PI4KB: variants seen among roughly 807,000 people sequenced by gnomAD.
The protein encoded by PI4KB is phosphatidylinositol 4-kinase beta, also known as PtdIns 4-kinase beta.
A neutral mutation model predicts 81.4 loss-of-function variants in PI4KB; 23 were observed. That is an observed-to-expected ratio of 0.28 (90% CI 0.20 to 0.40). PI4KB has a LOEUF of 0.40. PI4KB is among the 10% of genes least tolerant of loss of function. The pLI, the probability that PI4KB is intolerant of heterozygous loss-of-function variation, is 1.00. For missense variants in PI4KB, 651 were observed against 1,036.6 expected, an observed-to-expected ratio of 0.63 and a Z score of 5.11; for synonymous variants, 381 against 406.8, an observed-to-expected ratio of 0.94 and a Z score of 0.76.
chr1:151,304,986 C>A (rs185691248), intron 5 of PI4KB, among the ~76,000 whole-genome samples: 1 of 152,056 alleles, frequency 6.6e-6, no homozygotes, highest in Non-Finnish European at 1.5e-5. Flanking sequence ...CATGCCACCA[C>A]GCCCGGCTAA....
chr1:151,307,950 C>G (rs1001332799), intron 3 of PI4KB, 149 bp from the exon 4 acceptor site: 5 of 628,088 alleles, frequency 8.0e-6, no homozygotes, highest in Non-Finnish European at 1.1e-5. Context: ...TTAGTAGGAG[C>G]TTCCACCCAC....
chr1:151,307,199 G>A (rs2101960481), intron 4 of PI4KB, among the ~76,000 whole-genome samples: 1 of 152,288 alleles, frequency 6.6e-6, no homozygotes. Context: ...ATCAGAAAAG[G>A]TCTTAGAAAC....
chr1:151,299,731 G>T (rs986082802), intron 8 of PI4KB, among the ~76,000 whole-genome samples: 3 of 152,020 alleles, frequency 2.0e-5, no homozygotes, highest in African/African-American at 7.2e-5. Context: ...GTCCAGAGAA[G>T]ACTTCTCTGG....
intron 2 of PI4KB, among the ~76,000 whole-genome samples, chr1:151,313,309 T>C (rs1647396369): frequency 6.6e-6 from 1 of 152,090 alleles, no homozygotes; most frequent in South Asian, 2.1e-4. Context: ...AGGAGTCAGG[T>C]TGGAAGAACG....
chr1:151,292,549 G>C lies in PI4KB; in HGVS notation c.*303C>G, dbSNP rs1694379449. On this transcript the variant is annotated 3_prime_UTR_variant, in exon 12 of 12. Transcript: ENST00000368873. ...CCCTACAAGGAGAAGAAAGGCCCCA[G>C]TGTCCCTCACATTTGTCACCTCTGT... 6.0e-6 allele frequency: 2 copies of C among 335,690 alleles called. No homozygotes were observed. Among genetic ancestry groups the C allele is most frequent in the Non-Finnish European group, 1.1e-5 (2 of 181,118 alleles). The allele number at this position is 335,690 out of a possible 1,614,324, so 20.8% of individuals were successfully genotyped here. A position where few individuals can be genotyped will look rare whatever the true frequency, so the allele number is the denominator to read the frequency against.
Position 151,300,841 on chromosome 1 carries a change from C to T in PI4KB, c.1749+1003G>A, listed in dbSNP as rs149607166. Reference sequence around the variant, plus strand: ...TCCTAGGAGGTCACCATATTGATGCCGAACTTAGCGCGGACACCCAATTGG... The same window carrying T: ...TCCTAGGAGGTCACCATATTGATGCTGAACTTAGCGCGGACACCCAATTGG... On this transcript the variant is annotated intron_variant, in intron 8 of 11. Coordinates refer to ENST00000368873, the MANE Select transcript of PI4KB (RefSeq NM_001369623.2). The T allele has an allele frequency of 4.4e-3, 665 of 152,364 alleles. 6 individuals are homozygous for T. The highest frequency in any genetic ancestry group is 0.014 in the Middle Eastern group (4 of 296). 9.4% of individuals were successfully genotyped at this position (152,364 alleles called of 1,614,324 possible).
intron 2 of PI4KB, among the ~76,000 whole-genome samples, chr1:151,310,982 A>T (rs1281849030): frequency 6.6e-6 from 1 of 152,112 alleles, no homozygotes; most frequent in African/African-American, 2.4e-5. Flanking sequence ...ATATACTACA[A>T]TTTTTGATAT....
intron 9 of PI4KB, among the ~76,000 whole-genome samples, chr1:151,295,605 TAA>T (rs1275777005): frequency 6.6e-6 from 1 of 152,240 alleles, no homozygotes; most frequent in African/African-American, 2.4e-5. Context: ...TTGAAGCAGT[TAA>T]AGAGATCCTA....
intron 5 of PI4KB, 148 bp from the exon 6 acceptor site, chr1:151,303,798 C>A: frequency 1.6e-6 from 1 of 630,260 alleles, no homozygotes; most frequent in Non-Finnish European, 2.9e-6. Flanking sequence ...CCCCAGGCTG[C>A]CCAGAGCAGC....
intron 1 of PI4KB, 44 bp downstream of exon 1, chr1:151,327,227 C>CG (rs397692198): frequency 4.5e-6 from 1 of 221,284 alleles, no homozygotes; most frequent in Non-Finnish European, 8.8e-6. Flanking sequence ...CCCCCCCCCC[C>CG]ACCCAACAGG....
chr1:151,293,388 T>C (rs1244836163), intron 11 of PI4KB: 2 of 1,305,394 alleles, frequency 1.5e-6, no homozygotes, highest in Non-Finnish European at 2.0e-6. Flanking sequence ...CTATGCTACG[T>C]CTGACACTCA....
At chr1:151,306,756 T>C (rs904274824) in intron 4 of PI4KB, among the ~76,000 whole-genome samples, 17 of 151,988 alleles carry the variant, frequency 1.1e-4, no homozygotes, top group Admixed American at 1.0e-3. Flanking sequence ...TCCCAAGGAG[T>C]GTCCCAAACT....
chr1:151,293,052 G>A lies in PI4KB; in HGVS notation c.2270-19C>T, dbSNP rs142172148. On this transcript the variant is annotated intron_variant, in intron 11 of 11. Transcript: ENST00000368873. ...TGAGAACCTGGGGGAAGCAGTCGGA[G>A]TTCAGGGTCATGGATGGACGGGAGG... 213 of 1,612,928 alleles carry A rather than the reference G, an allele frequency of 1.3e-4. 2 individuals are homozygous for A. Among genetic ancestry groups the A allele is most frequent in the Admixed American group, 3.3e-4 (20 of 59,944 alleles).
At chr1:151,299,502 G>A (rs1344974755) in intron 8 of PI4KB, among the ~76,000 whole-genome samples, 2 of 152,020 alleles carry the variant, frequency 1.3e-5, no homozygotes, top group Non-Finnish European at 2.9e-5. Flanking sequence ...GCCAACCTCA[G>A]TAGAGAGTGA....
At chr1:151,295,556 C>G (rs996715132) in intron 9 of PI4KB, among the ~76,000 whole-genome samples, 1 of 152,192 alleles carries the variant, frequency 6.6e-6, no homozygotes, top group Non-Finnish European at 1.5e-5. Flanking sequence ...TTTTCACTAC[C>G]AGAGTTAGCT....
chr1:151,307,801 G>C lies in PI4KB; in HGVS notation c.955C>G (p.Pro319Ala). Residue 319 changes from proline to alanine, a missense_variant and splice_region_variant, in exon 4 of 12, where the codon CCT becomes GCT. Transcript: ENST00000368873. ...TCTCTCTCAGGAGCCAGTCGAACAG[G>C]CTACAGGGGTTTGGGGTAAGACAAA... is the stretch of plus-strand genomic sequence containing the variant. ...TESIDNSFSS[P>A]VRLAPEREFI... 6.2e-7 allele frequency: 1 copy of C among 1,610,578 alleles called. No homozygotes were observed. The highest frequency in any genetic ancestry group is 8.5e-7 in the Non-Finnish European group (1 of 1,176,782).
intron 3 of PI4KB, 24 bp downstream of exon 3, chr1:151,310,187 C>A: frequency 6.3e-7 from 1 of 1,588,832 alleles, no homozygotes; most frequent in Non-Finnish European, 8.6e-7. Flanking sequence ...GCCTGCCACC[C>A]CGTCCCAGCC....
chr1:151,308,573 C>T lies in PI4KB; in HGVS notation c.955-772G>A, dbSNP rs148154059. The stretch of plus-strand genomic sequence containing the variant: ...CTCCTCTTTGGGTCCTCTTCCCCTA[C>T]CTCTCAGTGACTAGGTTCCTCATAT... On this transcript the variant is annotated intron_variant, in intron 3 of 11. Transcript: ENST00000368873. Among the ~76,000 whole-genome samples, 34 of 152,334 alleles carry T rather than the reference C, an allele frequency of 2.2e-4. No individual in the cohort carries two copies. The East Asian group carries it at 5.2e-3, about 23-fold the overall frequency.
At chr1:151,318,711 CAAATAAAT>C (rs145012777) in intron 1 of PI4KB, among the ~76,000 whole-genome samples, 32 of 147,772 alleles carry the variant, frequency 2.2e-4, no homozygotes, top group Non-Finnish European at 3.4e-4. Flanking sequence ...AACTCTGTCT[CAAATAAAT>C]AAATAAATAA....
Sources: gnomAD v4.1 joint callset for allele counts (sites outside exome capture counted in the v4.1 genomes callset) on GRCh38, gnomAD v4.1.1 for gene constraint, MANE v1.5 for transcripts, NCBI Gene and HGNC (gene_info 2026-07-23, HGNC 2026-07-21) for gene names.